The following STON2 variants were observed in gnomAD, a reference collection of about 807,000 sequenced individuals.
STON2 encodes the protein stonin-2.
A neutral mutation model predicts 65.7 loss-of-function variants in STON2; 29 were observed. The observed-to-expected ratio is 0.44, with a 90% CI of 0.33 to 0.60. The LOEUF (loss-of-function observed/expected upper bound fraction) is 0.60. Ranked by LOEUF, STON2 falls within the 20% of genes least tolerant of loss-of-function variation. STON2 has a pLI of 0.03. For synonymous variants in STON2, 404 were observed against 414.2 expected, an observed-to-expected ratio of 0.98 and a Z score of 0.30; for missense variants, 1,054 against 1,118.1, an observed-to-expected ratio of 0.94 and a Z score of 0.82.
At chr14:81,339,707 A>C (rs930459297) in intron 4 of STON2, among the ~76,000 whole-genome samples, 3 of 152,228 alleles carry the variant, frequency 2.0e-5, no homozygotes, top group African/African-American at 7.2e-5. Context: ...AGTATCAAGA[A>C]GGAGTGGCTT....
intron 5 of STON2, among the ~76,000 whole-genome samples, chr14:81,301,664 T>A (rs987674682): frequency 2.0e-5 from 3 of 152,212 alleles, no homozygotes; most frequent in Non-Finnish European, 4.4e-5. Context: ...TAAATACATC[T>A]GGTTGGGATG....
upstream of STON2, among the ~76,000 whole-genome samples, chr14:81,404,719 C>A (rs1357385214): frequency 2.0e-5 from 3 of 152,138 alleles, no homozygotes; most frequent in Non-Finnish European, 2.9e-5. Context: ...GTTGCCCAGG[C>A]TGGTCTCAAA....
At chr14:81,334,728 G>T (rs1897312690) in intron 4 of STON2, among the ~76,000 whole-genome samples, 1 of 152,232 alleles carries the variant, frequency 6.6e-6, no homozygotes, top group African/African-American at 2.4e-5. Flanking sequence ...AAATAGGGCA[G>T]AAGGGTGACT....
Position 81,270,890 on chromosome 14 carries a change from T to C in STON2, c.2582-18A>G. ...ACCGGAAGCTATGAAAGAAAGACAA[T>C]CGAGAGATCAGATTATTTGGGGAGA... is the stretch of plus-strand genomic sequence containing the variant. On this transcript the variant is annotated intron_variant, in intron 6 of 7. Coordinates refer to ENST00000614646, the MANE Select transcript of STON2 (RefSeq NM_001394390.1). The C allele has an allele frequency of 6.2e-7, 1 of 1,609,250 alleles. No individual in the cohort carries two copies. The highest frequency in any genetic ancestry group is 1.1e-5 in the South Asian group (1 of 90,794).
chr14:81,423,816 T>C (rs1367422535), intron 2 of STON2, among the ~76,000 whole-genome samples: 1 of 152,158 alleles, frequency 6.6e-6, no homozygotes, highest in East Asian at 1.9e-4. Context: ...TTGTGTCTGC[T>C]GACTGAAGGC....
At chr14:81,350,290 C>T (rs913298877) in intron 4 of STON2, among the ~76,000 whole-genome samples, 5 of 152,072 alleles carry the variant, frequency 3.3e-5, no homozygotes, top group African/African-American at 1.2e-4. Context: ...ACACTGTATG[C>T]ATGTATTAAA....
chr14:81,370,860 TG>T, intron 4 of STON2, 127 bp downstream of exon 4: 1 of 828,714 alleles, frequency 1.2e-6, no homozygotes, highest in Non-Finnish European at 1.9e-6. Flanking sequence ...GCTTTTTGAC[TG>T]GATAACAACA....
rs1899618463 is a variant in STON2, at chr14:81,383,194, A to G, written c.374-12009T>C. Among the ~76,000 whole-genome samples the G allele has an allele frequency of 2.0e-5, 3 of 152,220 alleles. No individual in the cohort carries two copies. In the South Asian group the frequency reaches 6.2e-4, roughly 32 times the overall value. On this transcript the variant is annotated intron_variant, in intron 3 of 7. Coordinates refer to ENST00000614646, the MANE Select transcript of STON2 (RefSeq NM_001394390.1). ...ATGAGGTTAAGATCAGGGACCCTGG[A>G]TCCAGACTGCCTGGTTTGCATACCA...
chr14:81,287,362 G>C (rs191806542), intron 5 of STON2, among the ~76,000 whole-genome samples: 18 of 152,300 alleles, frequency 1.2e-4, no homozygotes, highest in African/African-American at 4.1e-4. Context: ...AGGATGCTTC[G>C]ATGCTGGTAA....
At chr14:81,400,442 C>T (rs929687105), upstream of STON2, among the ~76,000 whole-genome samples, 10 of 133,298 alleles carry the variant, frequency 7.5e-5, no homozygotes, top group Admixed American at 1.8e-4. Flanking sequence ...CCTCTTTCAA[C>T]GACAGCAGCA....
At chr14:81,311,574 C>G (rs1314851937) in intron 5 of STON2, among the ~76,000 whole-genome samples, 1 of 152,192 alleles carries the variant, frequency 6.6e-6, no homozygotes, top group African/African-American at 2.4e-5. Flanking sequence ...ATTCTATTAA[C>G]TCCACATAAA....
chr14:81,352,549 A>T (rs909070436), intron 4 of STON2, among the ~76,000 whole-genome samples: 10 of 152,192 alleles, frequency 6.6e-5, no homozygotes, highest in Non-Finnish European at 1.3e-4. Context: ...GATTGGGAAC[A>T]GAGGAGTGAC....
intron 5 of STON2, among the ~76,000 whole-genome samples, chr14:81,301,392 G>A (rs1394946392): frequency 6.6e-6 from 1 of 152,148 alleles, no homozygotes; most frequent in African/African-American, 2.4e-5. Flanking sequence ...CTACCTTTAA[G>A]AAGTTCAGAG....
At chr14:81,398,203 T>A in intron 2 of STON2, 92 bp downstream of exon 2, 1 of 857,352 alleles carries the variant, frequency 1.2e-6, no homozygotes, top group Non-Finnish European at 1.8e-6. Context: ...TATATTAAGA[T>A]CCCACCCAAA....
chr14:81,309,794 T>C (rs1412578468), intron 5 of STON2, among the ~76,000 whole-genome samples: 1 of 152,190 alleles, frequency 6.6e-6, no homozygotes, highest in East Asian at 1.9e-4. Context: ...TGTGGAGAGT[T>C]AGGGATAACG....
At chr14:81,317,001 T>G (rs552678786) in intron 5 of STON2, among the ~76,000 whole-genome samples, 1 of 151,888 alleles carries the variant, frequency 6.6e-6, no homozygotes, top group Admixed American at 6.6e-5. Context: ...GCCTGGGTGA[T>G]AGAGTGAGAC....
intron 3 of STON2, among the ~76,000 whole-genome samples, chr14:81,375,368 G>C (rs142599709): frequency 5.7e-4 from 87 of 152,088 alleles, no homozygotes; most frequent in Non-Finnish European, 1.0e-3. Context: ...TATCAATGAT[G>C]AAAGTAAAGG....
chr14:81,281,943 T>C (rs1430048883), intron 5 of STON2, among the ~76,000 whole-genome samples: 2 of 152,232 alleles, frequency 1.3e-5, no homozygotes. Context: ...TCATGTCCCA[T>C]AATTGCATGT....
At chr14:81,331,447 C>T (rs528500889) in intron 4 of STON2, among the ~76,000 whole-genome samples, 5 of 152,154 alleles carry the variant, frequency 3.3e-5, no homozygotes, top group Admixed American at 6.5e-5. Flanking sequence ...CTGGATCTGA[C>T]GTGTCAGTGA....
Sources: allele counts gnomAD v4.1 joint callset (sites outside exome capture counted in the v4.1 genomes callset), GRCh38; gene constraint gnomAD v4.1.1; transcripts MANE v1.5; gene names NCBI Gene and HGNC (gene_info 2026-07-23, HGNC 2026-07-21).